DHRS12: variants seen among roughly 807,000 people sequenced by gnomAD.
The protein encoded by DHRS12 is dehydrogenase/reductase 12.
DHRS12 carries 29 observed loss-of-function variants against 32.1 expected under a neutral mutation model. That is an observed-to-expected ratio of 0.90 (90% CI 0.67 to 1.23). The LOEUF is 1.23. Among genes scored for constraint, DHRS12 ranks in the 50% most tolerant of loss-of-function variants. The pLI is 0.00. For missense variants in DHRS12, 330 were observed against 337.2 expected (o/e 0.98, Z 0.17); for synonymous variants, 150 against 135.9 (o/e 1.10, Z -0.72).
Position 51,777,137 on chromosome 13 carries a change from G to A in DHRS12, c.302-16C>T, listed in dbSNP as rs756866709. 5.6e-6 allele frequency: 9 copies of A among 1,613,938 alleles called. No individual in the cohort carries two copies. Among genetic ancestry groups the A allele is most frequent in the Non-Finnish European group, 8.5e-7 (1 of 1,179,986 alleles). On this transcript the variant is annotated splice_polypyrimidine_tract_variant and intron_variant, in intron 4 of 8. Coordinates refer to ENST00000444610, the MANE Select transcript of DHRS12 (RefSeq NM_001377533.1). ...ATGTACACACCTGAGGCAGCACACA[G>A]CATCCCATGAGGGGGCTGCAGGAAG...
At chr13:51,770,913 C>T (rs561387750) in intron 7 of DHRS12, 2 of 1,219,192 alleles carry the variant, frequency 1.6e-6, no homozygotes, top group Admixed American at 4.0e-5. Context: ...CATCTCCTAC[C>T]ACCAGCACTG....
At chr13:51,797,787 G>A (rs1163189130) in intron 2 of DHRS12, 1 of 1,529,046 alleles carries the variant, frequency 6.5e-7, no homozygotes, top group Non-Finnish European at 8.8e-7. Context: ...TGACCATGGA[G>A]GCAAGGAAAC....
In DHRS12 at chr13:51,769,275, G is replaced by C. The variant is rs574218664; in HGVS notation, c.578C>G (p.Pro193Arg). 3 of 1,578,962 alleles carry C rather than the reference G, an allele frequency of 1.9e-6. No individual in the cohort carries two copies. In the African/African-American group the frequency reaches 4.1e-5, roughly 21 times the overall value. Residue 193 changes from proline (P) to arginine (R), a missense_variant, in exon 8 of 9, where the codon CCG becomes CGG. Pro to Arg is a moderately radical substitution (Grantham distance 103, BLOSUM62 -2). Transcript: ENST00000444610. ...ADTPGVRQAM[P>R]GFHARFGDRL... ...GTCCCCGAACCTGGCGTGGAACCCC[G>C]GCATCGCCTGCCTCACACCTGGGAG...
At chr13:51,760,715 C>G in the DHRS12 span, 1 of 152,358 alleles carries the variant, frequency 6.6e-6, no homozygotes, top group Middle Eastern at 3.4e-3. Context: ...ACTGTTCCAC[C>G]TCGGATCAGC....
Position 51,768,226 on chromosome 13 carries a change from G to A in DHRS12, c.768C>T (p.Leu256=). The A allele has an allele frequency of 1.3e-6, 2 of 1,536,148 alleles. No individual in the cohort carries two copies. The highest frequency in any genetic ancestry group is 8.7e-7 in the Non-Finnish European group (1 of 1,146,920). Residue 256 remains leucine, a synonymous_variant, in exon 9 of 9, where the codon CTC becomes CTT. Transcript: ENST00000444610. ...GAGCCAGCTGTTCCAGGATTTCAAT[G>A]AGTTTCTCCTCTTCGGCCGGTGAGG... ...ASSSPAEEEK[L]IEILEQLAQT... is the part of the protein sequence containing the mutation.
At chr13:51,790,127 A>T (rs753375521) in intron 3 of DHRS12, 35 bp from the exon 4 acceptor site, 3 of 1,538,248 alleles carry the variant, frequency 2.0e-6, no homozygotes, top group Non-Finnish European at 2.6e-6. Context: ...AAATAAAGAA[A>T]AATAGGGCCA....
At chr13:51,791,712 C>CCTTT (rs1225407791) in intron 2 of DHRS12, among the ~76,000 whole-genome samples, 2 of 152,154 alleles carry the variant, frequency 1.3e-5, no homozygotes, top group Non-Finnish European at 2.9e-5. Flanking sequence ...AGTTTATTCA[C>CCTTT]CTTGCCTAAC....
At chr13:51,772,020 G>T in intron 6 of DHRS12, 109 bp from the exon 7 acceptor site, 1 of 1,027,706 alleles carries the variant, frequency 9.7e-7, no homozygotes, top group Non-Finnish European at 1.5e-6. Context: ...GGACTCTGCA[G>T]TATGTACGGC....
At chr13:51,801,265 C>A (rs1362835529) in intron 1 of DHRS12, among the ~76,000 whole-genome samples, 1 of 152,198 alleles carries the variant, frequency 6.6e-6, no homozygotes, top group East Asian at 1.9e-4. Context: ...CGGCTCACTG[C>A]AACCTCCGCC....
intron 4 of DHRS12, among the ~76,000 whole-genome samples, chr13:51,781,392 C>T (rs921865074): frequency 1.3e-5 from 2 of 152,090 alleles, no homozygotes; most frequent in Non-Finnish European, 2.9e-5. Flanking sequence ...TATCAAGGGC[C>T]CACTGAGTGC....
intron 7 of DHRS12, 51 bp downstream of exon 7, chr13:51,771,770 G>GT (rs1455192227): frequency 6.3e-7 from 1 of 1,595,968 alleles, no homozygotes; most frequent in South Asian, 1.1e-5. Flanking sequence ...GGCTGCTCAG[G>GT]TATTTTTAGA....
chr13:51,795,471 G>C (rs1267771314), intron 2 of DHRS12, among the ~76,000 whole-genome samples: 1 of 152,188 alleles, frequency 6.6e-6, no homozygotes, highest in Non-Finnish European at 1.5e-5. Context: ...AGGATACCCT[G>C]AGCTTCCCAT....
intron 5 of DHRS12, 57 bp downstream of exon 5, chr13:51,777,003 A>G: frequency 3.1e-6 from 5 of 1,606,682 alleles, no homozygotes; most frequent in Non-Finnish European, 4.3e-6. Context: ...AGGCCCACTG[A>G]CTTCCCATCA....
intron 1 of DHRS12, chr13:51,803,849 G>T: frequency 2.5e-6 from 1 of 398,106 alleles, no homozygotes; most frequent in South Asian, 9.1e-5. Context: ...CTCGGTCGCG[G>T]GCATTGAGCG....
Position 51,768,015 on chromosome 13 carries a change from C to A in DHRS12, c.*172G>T. 1.4e-6 allele frequency: 2 copies of A among 1,422,550 alleles called. No homozygotes were observed. Among genetic ancestry groups the A allele is most frequent in the Non-Finnish European group, 1.8e-6 (2 of 1,092,540 alleles). 88.1% of individuals were successfully genotyped at this position (1,422,550 alleles called of 1,614,324 possible). A position where few individuals can be genotyped will look rare whatever the true frequency, so the allele number is the denominator to read the frequency against. On this transcript the variant is annotated 3_prime_UTR_variant, in exon 9 of 9. Coordinates refer to ENST00000444610, the MANE Select transcript of DHRS12 (RefSeq NM_001377533.1). ...GAGTTCAAGGTGAGCCTGATCACAGCCTCGGTAGTATTTATTTTGAAATAA... is the reference window on the plus strand; with the variant it reads ...GAGTTCAAGGTGAGCCTGATCACAGACTCGGTAGTATTTATTTTGAAATAA...
chr13:51,793,918 G>C (rs570042307), intron 2 of DHRS12, among the ~76,000 whole-genome samples: 2 of 152,242 alleles, frequency 1.3e-5, no homozygotes, highest in Non-Finnish European at 2.9e-5. Context: ...TCCTGGAAGC[G>C]CCTGAGATGT....
chr13:51,779,888 G>GAT (rs1336046289), intron 4 of DHRS12, among the ~76,000 whole-genome samples: 1 of 152,146 alleles, frequency 6.6e-6, no homozygotes, highest in Non-Finnish European at 1.5e-5. Context: ...TTTAAAATAA[G>GAT]AATGTCTCCT....
At chr13:51,776,916 C>T (rs372593307) in intron 5 of DHRS12, 144 bp downstream of exon 5, 6 of 882,848 alleles carry the variant, frequency 6.8e-6, no homozygotes, top group East Asian at 5.2e-5. Flanking sequence ...ACTTCCCTCT[C>T]GGCCCCCTGA....
At position 51,777,403 on chromosome 13, in the gene DHRS12, T is replaced by C. The variant is rs759258722; in HGVS notation, c.302-282A>G. 4 of 444,534 alleles carry C rather than the reference T, an allele frequency of 9.0e-6. No individual in the cohort carries two copies. In the East Asian group the frequency reaches 1.5e-4, roughly 16 times the overall value. 27.5% of individuals were successfully genotyped at this position (444,534 alleles called of 1,614,324 possible). ...AGAAAACTGCCAAACCGTAGATGGG[T>C]CCACTTTGCAGAAGAAAAAATGCAT... On this transcript the variant is annotated intron_variant, in intron 4 of 8. Transcript: ENST00000444610.
Sources: gnomAD v4.1 joint callset for allele counts (sites outside exome capture counted in the v4.1 genomes callset) on GRCh38, gnomAD v4.1.1 for gene constraint, MANE v1.5 for transcripts, NCBI Gene and HGNC (gene_info 2026-07-23, HGNC 2026-07-21) for gene names.